MAP4K2: variants seen among roughly 807,000 people sequenced by gnomAD.
The protein encoded by MAP4K2 is mitogen-activated protein kinase kinase kinase kinase 2, also known as B lymphocyte serine/threonine protein kinase.
MAP4K2 carries 85 observed loss-of-function variants against 125.3 expected under a neutral mutation model. That is an observed-to-expected ratio of 0.68 (90% CI 0.57 to 0.81). MAP4K2 has a LOEUF of 0.81. Among genes scored for constraint, MAP4K2 ranks in the 40% least tolerant of loss-of-function variants. The pLI is 0.00. For synonymous variants in MAP4K2, 479 were observed against 445.1 expected (o/e 1.08, Z -0.96); for missense variants, 923 against 1,056.4 (o/e 0.87, Z 1.75).
chr11:64,789,134 G>C lies in MAP4K2; in HGVS notation c.*403C>G, dbSNP rs545520413. 1.9e-3 allele frequency: 422 copies of C among 223,558 alleles called. No homozygotes were observed. The highest frequency in any genetic ancestry group is 2.9e-3 in the Non-Finnish European group (322 of 110,834). The allele number at this position is 223,558 out of a possible 1,614,324, so 13.8% of individuals were successfully genotyped here. On this transcript the variant is annotated 3_prime_UTR_variant, in exon 32 of 32. Coordinates refer to ENST00000294066, the MANE Select transcript of MAP4K2 (RefSeq NM_004579.5). Reference sequence around the variant, plus strand: ...CTCCCCCTACCCAGAGGGACCAGAGGACTAAAACAAACCAGCTTTAATACC... The same window carrying C: ...CTCCCCCTACCCAGAGGGACCAGAGCACTAAAACAAACCAGCTTTAATACC...
rs1373927838 is a variant in MAP4K2, at chr11:64,797,326, C to A, written c.1225G>T (p.Gly409Trp). 1.2e-6 allele frequency: 2 copies of A among 1,601,598 alleles called. No individual in the cohort carries two copies. The highest frequency in any genetic ancestry group is 2.2e-5 in the South Asian group (2 of 88,968). Residue 409 changes from glycine to tryptophan, a missense_variant, in exon 18 of 32, where the codon GGG (glycine) becomes TGG (tryptophan). Gly to Trp is a radical substitution (Grantham distance 184, BLOSUM62 -2). Coordinates refer to ENST00000294066, the MANE Select transcript of MAP4K2 (RefSeq NM_004579.5). ...GCTGGAGGGTCAGTGGGGAGTGGCC[C>A]TAGGAACGGGGCCCGCTTGATGGTT... ...MGTIKRAPFLGPLPTDPPAEE... is the reference protein window; with the variant it reads ...MGTIKRAPFLWPLPTDPPAEE...
In MAP4K2 at chr11:64,787,821, T is replaced by C. The variant is rs1940261359; in HGVS notation, c.*1716A>G. On this transcript the variant is annotated 3_prime_UTR_variant, in exon 32 of 32. Transcript: ENST00000294066. Reference sequence around the variant, plus strand: ...CCAGTCCTCCCCAGGGCGCCTTTGGTCAGGGCCTTTGCTGAGCAGGAGCTC... The same window carrying C: ...CCAGTCCTCCCCAGGGCGCCTTTGGCCAGGGCCTTTGCTGAGCAGGAGCTC... 1 of 152,222 alleles carries C rather than the reference T, an allele frequency of 6.6e-6. No individual in the cohort carries two copies. The highest frequency in any genetic ancestry group is 2.4e-5 in the African/African-American group (1 of 41,448). The allele number at this position is 152,222 out of a possible 1,614,324, so 9.4% of individuals were successfully genotyped here. A position where few individuals can be genotyped will look rare whatever the true frequency, so the allele number is the denominator to read the frequency against.
chr11:64,787,032 T>TC lies in MAP4K2; in HGVS notation c.*2504dup, dbSNP rs1940221596. On this transcript the variant is annotated 3_prime_UTR_variant, in exon 32 of 32. Transcript: ENST00000294066. ...TCCAGGATATATATATATTTTTTTCTCTTTTTTTTTTTTTTGAGACGGAGT... is the reference window on the plus strand; with the variant it reads ...TCCAGGATATATATATATTTTTTTCTCCTTTTTTTTTTTTTTGAGACGGAGT... 1 of 34,080 alleles carries TC rather than the reference T, an allele frequency of 2.9e-5. No individual in the cohort carries two copies. Among genetic ancestry groups the TC allele is most frequent in the African/African-American group, 5.0e-5 (1 of 19,886 alleles). 2.1% of individuals were successfully genotyped at this position (34,080 alleles called of 1,614,324 possible). A position where few individuals can be genotyped will look rare whatever the true frequency, so the allele number is the denominator to read the frequency against.
chr11:64,797,834 T>C (rs1940920262), intron 15 of MAP4K2, among the ~76,000 whole-genome samples, 170 bp from the exon 16 acceptor site: 1 of 150,274 alleles, frequency 6.7e-6, no homozygotes, highest in Non-Finnish European at 1.5e-5. Context: ...GCCTCCCAAG[T>C]AGCTGGGACT....
At chr11:64,793,007 G>A (rs890251578) in intron 24 of MAP4K2, among the ~76,000 whole-genome samples, 4 of 152,234 alleles carry the variant, frequency 2.6e-5, no homozygotes, top group African/African-American at 4.8e-5. Context: ...ACCCGAGGTC[G>A]GGAGTTCGAG....
At chr11:64,796,770 G>T in intron 21 of MAP4K2, 39 bp downstream of exon 21, 1 of 1,613,388 alleles carries the variant, frequency 6.2e-7, no homozygotes, top group Non-Finnish European at 8.5e-7. Flanking sequence ...CAAGCTGAGG[G>T]ATTCCTTGGG....
In MAP4K2 at chr11:64,796,148, AG is replaced by A. The variant is rs1415148159; in HGVS notation, c.1751+124del. 28 of 831,132 alleles carry A rather than the reference AG, an allele frequency of 3.4e-5. No individual in the cohort carries two copies. The East Asian group carries it at 7.2e-4, about 21-fold the overall frequency. The allele number at this position is 831,132 out of a possible 1,614,324, so 51.5% of individuals were successfully genotyped here. A position where few individuals can be genotyped will look rare whatever the true frequency, so the allele number is the denominator to read the frequency against. The stretch of plus-strand genomic sequence containing the variant: ...AGGCCATCAATTGTATTGACAGAGG[AG>A]GAAACGGGCGCTCAGAGAGACAACA... On this transcript the variant is annotated intron_variant, in intron 24 of 31. Transcript: ENST00000294066.
rs780082524 is a variant in MAP4K2 at position 64,799,365 on chromosome 11, C to T, written c.1053+56G>A. 8.1e-6 allele frequency: 13 copies of T among 1,595,976 alleles called. No individual in the cohort carries two copies. In the Admixed American group the frequency reaches 8.9e-5, roughly 11 times the overall value. On this transcript the variant is annotated intron_variant, in intron 14 of 31. Transcript: ENST00000294066. The stretch of plus-strand genomic sequence containing the variant: ...TGATTTGAGCTGCTCGGCCTCCATC[C>T]GACCTCCCTGCCCCACCTCTGGGCA...
At position 64,793,442 on chromosome 11, in the gene MAP4K2, G is replaced by C. The variant is rs571264823; in HGVS notation, c.1752-1020C>G. Among the ~76,000 whole-genome samples, 5 of 152,292 alleles carry C rather than the reference G, an allele frequency of 3.3e-5. No homozygotes were observed. In the South Asian group the frequency reaches 6.2e-4, roughly 19 times the overall value. On this transcript the variant is annotated intron_variant, in intron 24 of 31. Transcript: ENST00000294066. ...GGGCCAGGGGGTGGCTTGCCTTGCTGTCGGGGTAGAAGTAGTGAGGAAAAG... is the reference window on the plus strand; with the variant it reads ...GGGCCAGGGGGTGGCTTGCCTTGCTCTCGGGGTAGAAGTAGTGAGGAAAAG...
chr11:64,790,377 G>A lies in MAP4K2; in HGVS notation c.2161+17C>T. ...TCCATAGTCCCCTGCCCTAAGCCCT[G>A]CCCCCAGGGCACTCACGTTCAAAGC... is the stretch of plus-strand genomic sequence containing the variant. On this transcript the variant is annotated intron_variant, in intron 28 of 31. Coordinates refer to ENST00000294066, the MANE Select transcript of MAP4K2 (RefSeq NM_004579.5). 2.5e-6 allele frequency: 4 copies of A among 1,614,026 alleles called. No individual in the cohort carries two copies. The South Asian group carries it at 4.4e-5, about 18-fold the overall frequency.
rs1940532372 is a variant in MAP4K2 at position 64,792,240 on chromosome 11, C to T, written c.1846G>A (p.Ala616Thr). Residue 616 changes from alanine (A) to threonine (T), a missense_variant, in exon 26 of 32, where the codon GCC becomes ACC. Ala to Thr is a moderately conservative substitution (Grantham distance 58). Coordinates refer to ENST00000294066, the MANE Select transcript of MAP4K2 (RefSeq NM_004579.5). Reference sequence around the variant, plus strand: ...AGGAGCAGGCTGGTGGGCAGGGCGGCCAGCAGGAAGGTGGCACCCGTGTAG... The same window carrying T: ...AGGAGCAGGCTGGTGGGCAGGGCGGTCAGCAGGAAGGTGGCACCCGTGTAG... ...NPYTGATFLL[A>T]ALPTSLLLLQ... 2.5e-6 allele frequency: 4 copies of T among 1,611,782 alleles called. No homozygotes were observed. Among genetic ancestry groups the T allele is most frequent in the Non-Finnish European group, 3.4e-6 (4 of 1,179,538 alleles).
chr11:64,797,098 T>G lies in MAP4K2; in HGVS notation c.1365+6A>C. On this transcript the variant is annotated splice_donor_region_variant and intron_variant, in intron 19 of 31. Transcript: ENST00000294066. Reference sequence around the variant, plus strand: ...GTCTCCCCACCCCACTGTAGCACCCTCTTACCTCAGGATCCTCCCGCTGCT... The same window carrying G: ...GTCTCCCCACCCCACTGTAGCACCCGCTTACCTCAGGATCCTCCCGCTGCT... The G allele has an allele frequency of 1.2e-6, 2 of 1,614,144 alleles. No homozygotes were observed. The highest frequency in any genetic ancestry group is 1.7e-6 in the Non-Finnish European group (2 of 1,180,014).
Position 64,796,804 on chromosome 11 carries a change from C to T in MAP4K2, c.1492+5G>A. On this transcript the variant is annotated splice_donor_5th_base_variant and intron_variant, in intron 21 of 31. Transcript: ENST00000294066. ...GGCTCCCGCTTCCTCCCTGCCCCCA[C>T]CTACCCCGAGTAACAGGGTGAATCC... 1 of 1,613,742 alleles carries T rather than the reference C, an allele frequency of 6.2e-7. No individual in the cohort carries two copies. Among genetic ancestry groups the T allele is most frequent in the Non-Finnish European group, 8.5e-7 (1 of 1,180,034 alleles).
rs1479627232 is a variant in MAP4K2 at position 64,786,814 on chromosome 11, C to T, written c.*2723G>A. The T allele has an allele frequency of 6.6e-6, 1 of 151,760 alleles. No homozygotes were observed. Among genetic ancestry groups the T allele is most frequent in the Non-Finnish European group, 1.5e-5 (1 of 67,982 alleles). The allele number at this position is 151,760 out of a possible 1,614,324, so 9.4% of individuals were successfully genotyped here. ...GTTTGTAATATAAAAGTAGTAAAAA[C>T]AACTCAAATTTCCACCAATAGGGAT... On this transcript the variant is annotated 3_prime_UTR_variant, in exon 32 of 32. Transcript: ENST00000294066.
At position 64,802,348 on chromosome 11, in the gene MAP4K2, C is replaced by T. The variant is rs1174029674; in HGVS notation, c.310+71G>A. Reference sequence around the variant, plus strand: ...AGCCCAAGTCCAGGGCCCAGAGTCCCCTCTGGTACCCCAGTGGGGTAGGGG... The same window carrying T: ...AGCCCAAGTCCAGGGCCCAGAGTCCTCTCTGGTACCCCAGTGGGGTAGGGG... On this transcript the variant is annotated intron_variant, in intron 4 of 31. Transcript: ENST00000294066. 4 of 1,456,534 alleles carry T rather than the reference C, an allele frequency of 2.7e-6. No homozygotes were observed. The East Asian group carries it at 7.4e-5, about 27-fold the overall frequency. 90.2% of individuals were successfully genotyped at this position (1,456,534 alleles called of 1,614,324 possible). A position where few individuals can be genotyped will look rare whatever the true frequency, so the allele number is the denominator to read the frequency against.
chr11:64,796,066 C>T (rs1026300911), intron 24 of MAP4K2, among the ~76,000 whole-genome samples: 3 of 152,258 alleles, frequency 2.0e-5, no homozygotes, highest in African/African-American at 7.2e-5. Context: ...TTGGAAAGCA[C>T]TTTCACATCC....
chr11:64,800,533 C>G, intron 10 of MAP4K2, 141 bp from the exon 11 acceptor site: 3 of 1,102,540 alleles, frequency 2.7e-6, no homozygotes, highest in Non-Finnish European at 3.9e-6. Flanking sequence ...GGCCACTGGC[C>G]GAGCAACGCT....
At chr11:64,793,078 T>C (rs182042005) in intron 24 of MAP4K2, among the ~76,000 whole-genome samples, 1 of 151,974 alleles carries the variant, frequency 6.6e-6, no homozygotes, top group Non-Finnish European at 1.5e-5. Flanking sequence ...TAGCCAGGCG[T>C]GGTGGCGCGT....
intron 15 of MAP4K2, among the ~76,000 whole-genome samples, chr11:64,798,168 GTTTA>G (rs1394913582): frequency 6.7e-6 from 1 of 150,164 alleles, no homozygotes; most frequent in Admixed American, 6.6e-5. Flanking sequence ...ACTTTTGTTT[GTTTA>G]TTTATTTATC....
Sources: gnomAD v4.1 joint callset for allele counts (sites outside exome capture counted in the v4.1 genomes callset) on GRCh38, gnomAD v4.1.1 for gene constraint, MANE v1.5 for transcripts, NCBI Gene and HGNC (gene_info 2026-07-23, HGNC 2026-07-21) for gene names.